The following TBC1D1 variants were observed in gnomAD, a reference collection of about 807,000 sequenced individuals.
TBC1D1 encodes the protein TBC1 domain family member 1, also known as TBC1 (tre-2/USP6, BUB2, cdc16) domain family, member 1.
A neutral mutation model predicts 125.6 loss-of-function variants in TBC1D1; 89 were observed. The observed-to-expected ratio is 0.71, with a 90% confidence interval of 0.60 to 0.85. The LOEUF (loss-of-function observed/expected upper bound fraction) is 0.85, where lower values mean the gene tolerates loss of function less well. Among genes scored for constraint, TBC1D1 ranks in the 40% least tolerant of loss-of-function variants. The pLI is 0.00. For synonymous variants in TBC1D1, 565 were observed against 564.1 expected (o/e 1.00, Z -0.02); for missense variants, 1,377 against 1,469.2 (o/e 0.94, Z 1.03).
intron 11 of TBC1D1, among the ~76,000 whole-genome samples, chr4:38,051,254 A>AT (rs1750481442): frequency 1.3e-5 from 2 of 152,148 alleles, no homozygotes; most frequent in African/African-American, 4.8e-5. Context: ...GGATGAGGAG[A>AT]TGCCTGTCTG....
chr4:38,099,338 T>C (rs559007994), intron 14 of TBC1D1, among the ~76,000 whole-genome samples: 10 of 152,196 alleles, frequency 6.6e-5, no homozygotes, highest in Non-Finnish European at 1.0e-4. Flanking sequence ...GAGTACAGCA[T>C]GGTCTCCTGT....
chr4:37,983,102 G>T (rs1469317192), intron 2 of TBC1D1, among the ~76,000 whole-genome samples: 1 of 148,606 alleles, frequency 6.7e-6, no homozygotes, highest in African/African-American at 2.5e-5. Flanking sequence ...AGGGGCCAAA[G>T]ATGATCTTTC....
intron 8 of TBC1D1, among the ~76,000 whole-genome samples, chr4:38,043,037 G>A (rs1280040620): frequency 6.6e-6 from 1 of 151,982 alleles, no homozygotes; most frequent in Non-Finnish European, 1.5e-5. Context: ...GAGTAACTGG[G>A]ATTACAGGTG....
At position 37,923,844 on chromosome 4, in the gene TBC1D1, T is replaced by C. The variant is rs199856261; in HGVS notation, c.417+21332T>C. Among the ~76,000 whole-genome samples the C allele has an allele frequency of 2.0e-5, 3 of 152,206 alleles. No individual in the cohort carries two copies. In the East Asian group the frequency reaches 5.8e-4, roughly 29 times the overall value. On this transcript the variant is annotated intron_variant, in intron 2 of 19. Coordinates refer to ENST00000261439, the MANE Select transcript of TBC1D1 (RefSeq NM_015173.4). ...ACAGGTGTGCACCACTATGCCCAGC[T>C]AATTTTTGTATTTTTGGTAGAGATG...
intron 12 of TBC1D1, among the ~76,000 whole-genome samples, chr4:38,088,114 G>C (rs973100241): frequency 6.6e-6 from 1 of 151,940 alleles, no homozygotes; most frequent in African/African-American, 2.4e-5. Context: ...AATCACAGCT[G>C]CAGTGTTCCA....
chr4:38,084,016 C>G (rs1757045818), intron 12 of TBC1D1, among the ~76,000 whole-genome samples: 1 of 150,794 alleles, frequency 6.6e-6, no homozygotes, highest in African/African-American at 2.5e-5. Context: ...TGGCTCACTG[C>G]AAGCTCCGCC....
intron 2 of TBC1D1, among the ~76,000 whole-genome samples, chr4:38,000,722 G>A (rs1176494079): frequency 6.6e-6 from 1 of 152,108 alleles, no homozygotes; most frequent in Non-Finnish European, 1.5e-5. Flanking sequence ...GGTCTCCAGT[G>A]ATCAGTTAAA....
intron 2 of TBC1D1, among the ~76,000 whole-genome samples, chr4:38,005,634 G>A (rs1739992284): frequency 6.6e-6 from 1 of 152,206 alleles, no homozygotes; most frequent in South Asian, 2.1e-4. Flanking sequence ...TTCCTCTGAG[G>A]GAGGAAAGCT....
rs1361341212 is a variant in TBC1D1 at position 38,125,177 on chromosome 4, A to G, written c.3132+46A>G. The G allele has an allele frequency of 2.5e-6, 4 of 1,576,058 alleles. No homozygotes were observed. The Admixed American group carries it at 5.2e-5, about 20-fold the overall frequency. ...TGCAAATGCTTAAGCCATCCTAGAT[A>G]TGTAGAAACTTAAATCTCTCTTGAG... On this transcript the variant is annotated intron_variant, in intron 18 of 19. Transcript: ENST00000261439.
At chr4:38,043,339 T>C (rs1211494646) in intron 8 of TBC1D1, among the ~76,000 whole-genome samples, 1 of 151,958 alleles carries the variant, frequency 6.6e-6, no homozygotes, top group Non-Finnish European at 1.5e-5. Context: ...AGCTCACTCC[T>C]GTAATCCCAG....
chr4:38,026,216 A>G (rs1271945095), intron 6 of TBC1D1, among the ~76,000 whole-genome samples: 2 of 152,238 alleles, frequency 1.3e-5, no homozygotes, highest in African/African-American at 4.8e-5. Flanking sequence ...CCTGGGTTAA[A>G]AAAAAGGGAA....
intron 17 of TBC1D1, chr4:38,119,945 G>T (rs1469338784): frequency 4.1e-6 from 4 of 985,296 alleles, no homozygotes; most frequent in Admixed American, 6.1e-5. Context: ...AAGTTCTGGG[G>T]CTCTGGAAGA....
chr4:37,892,711 G>A lies in TBC1D1; in HGVS notation c.-94+1363G>A, dbSNP rs186446666. On this transcript the variant is annotated intron_variant, in intron 1 of 19. Coordinates refer to ENST00000261439, the MANE Select transcript of TBC1D1 (RefSeq NM_015173.4). ...TATTGTTATCTACCCCACTGAGAGT[G>A]CTGGGGCTTCCCCTTTTCACCACGA... Among the ~76,000 whole-genome samples, 269 of 152,330 alleles carry A rather than the reference G, an allele frequency of 1.8e-3. 4 individuals carry two copies. Among genetic ancestry groups the A allele is most frequent in the South Asian group, 5.4e-3 (26 of 4,826 alleles).
intron 10 of TBC1D1, among the ~76,000 whole-genome samples, chr4:38,046,701 A>G (rs1749556015): frequency 6.6e-6 from 1 of 152,256 alleles, no homozygotes; most frequent in Non-Finnish European, 1.5e-5. Context: ...CTCTATGATT[A>G]TAATGAAACA....
chr4:38,058,630 C>T (rs961001430), intron 12 of TBC1D1, among the ~76,000 whole-genome samples: 2 of 152,160 alleles, frequency 1.3e-5, no homozygotes, highest in African/African-American at 4.8e-5. Flanking sequence ...TCTGGCAGTG[C>T]AAACTTCAAT....
intron 2 of TBC1D1, among the ~76,000 whole-genome samples, chr4:37,991,691 A>C (rs1736600157): frequency 6.6e-6 from 1 of 151,456 alleles, no homozygotes; most frequent in South Asian, 2.1e-4. Flanking sequence ...GAAATTTTAC[A>C]CTGGACGATT....
At chr4:37,928,960 C>T (rs543972550) in intron 2 of TBC1D1, among the ~76,000 whole-genome samples, 2 of 152,276 alleles carry the variant, frequency 1.3e-5, no homozygotes, top group Admixed American at 6.5e-5. Flanking sequence ...TCTCTAGGCT[C>T]GGCTTAGGAA....
intron 19 of TBC1D1, 48 bp downstream of exon 21, chr4:38,133,305 G>A: frequency 6.4e-7 from 1 of 1,556,660 alleles, no homozygotes; most frequent in South Asian, 1.2e-5. Flanking sequence ...ATATATGGTA[G>A]TTCATTAACT....
chr4:38,097,910 T>TA (rs1759645478), intron 14 of TBC1D1, among the ~76,000 whole-genome samples: 2 of 152,266 alleles, frequency 1.3e-5, no homozygotes, highest in African/African-American at 4.8e-5. Context: ...TATTGTTTGT[T>TA]ACGCATTTTC....
Sources: gnomAD v4.1 joint callset for allele counts (sites outside exome capture counted in the v4.1 genomes callset) on GRCh38, gnomAD v4.1.1 for gene constraint, MANE v1.5 for transcripts, NCBI Gene and HGNC (gene_info 2026-07-23, HGNC 2026-07-21) for gene names.